COL17A1: variants seen among roughly 807,000 people sequenced by gnomAD.
The protein encoded by COL17A1 is collagen type XVII alpha 1 chain.
COL17A1 carries 181 observed loss-of-function variants against 218.4 expected under a neutral mutation model. That is an observed-to-expected ratio of 0.83 (90% CI 0.73 to 0.94). COL17A1 has a LOEUF of 0.94. COL17A1 is among the 40% of genes least tolerant of loss of function. The probability of loss-of-function intolerance (pLI) is 0.00; values close to 1 mark genes in which losing one functional copy is unlikely to be tolerated. For synonymous variants in COL17A1, 721 were observed against 731.0 expected (o/e 0.99, Z 0.22); for missense variants, 1,924 against 1,945.9 (o/e 0.99, Z 0.21).
chr10:104,049,445 C>T lies in COL17A1; in HGVS notation c.2191G>A (p.Gly731Ser), dbSNP rs754470937. Residue 731 changes from glycine to serine, a missense_variant, in exon 29 of 56, where the codon GGT becomes AGT. Gly to Ser is a moderately conservative substitution (Grantham distance 56, BLOSUM62 0). Transcript: ENST00000648076. ...TGEPGMRGLP[G>S]AVGEPGAKGA... ...TTAGCCCCGGGCTCACCAACAGCACCAGGCAAACCTCTCATGCCAGGCTCG... is the reference window on the plus strand; with the variant it reads ...TTAGCCCCGGGCTCACCAACAGCACTAGGCAAACCTCTCATGCCAGGCTCG... 1 of 1,614,090 alleles carries T rather than the reference C, an allele frequency of 6.2e-7. No homozygotes were observed. Among genetic ancestry groups the T allele is most frequent in the East Asian group, 2.2e-5 (1 of 44,898 alleles).
In COL17A1 at chr10:104,034,609, C is replaced by T. The variant is rs369232327; in HGVS notation, c.3766+12G>A. ...GGGGTGCCTGGTGGGGCATCACCGT[C>T]GGGGCACCTACTTGTGAGGTAGCTG... On this transcript the variant is annotated intron_variant, in intron 51 of 55. Coordinates refer to ENST00000648076, the MANE Select transcript of COL17A1 (RefSeq NM_000494.4). 1.3e-4 allele frequency: 202 copies of T among 1,608,130 alleles called. 4 individuals carry two copies. The South Asian group carries it at 1.8e-3, about 14-fold the overall frequency.
At position 104,040,400 on chromosome 10, in the gene COL17A1, G is replaced by A. The variant is rs2086346706; in HGVS notation, c.2712C>T (p.Leu904=). ...GGCCAGGTGGGCCTGGGGGGCCGGA[G>A]AGGAAGGTTTCTGCAGAGGAAGGAA... ...GSFLSNSETF[L]SGPPGPPGPP... Residue 904 remains leucine, a synonymous_variant, in exon 40 of 56, where the codon CTC becomes CTT. Transcript: ENST00000648076. The A allele has an allele frequency of 1.9e-6, 3 of 1,609,656 alleles. No individual in the cohort carries two copies. Among genetic ancestry groups the A allele is most frequent in the Non-Finnish European group, 2.6e-6 (3 of 1,176,124 alleles).
chr10:104,058,299 C>A, intron 15 of COL17A1, 109 bp from the exon 16 acceptor site: 1 of 1,377,588 alleles, frequency 7.3e-7, no homozygotes. Context: ...AACTTGCTTT[C>A]AACGACGTGC....
Position 104,037,733 on chromosome 10 carries a change from G to A in COL17A1, c.3111C>T (p.Pro1037=), listed in dbSNP as rs1316824178. The change falls in exon 46 of 56, where the codon CCC becomes CCT. Residue 1037 remains proline, a synonymous_variant. Coordinates refer to ENST00000648076, the MANE Select transcript of COL17A1 (RefSeq NM_000494.4). ...IRSYLSGVQG[P]PGPPGPPGPV... ...GTCCTGGGGGACCAGGTGGGCCTGG[G>A]GGACCCTGAACTCCGGATAGGTAAG... 2 of 1,614,144 alleles carry A rather than the reference G, an allele frequency of 1.2e-6. No individual in the cohort carries two copies. Among genetic ancestry groups the A allele is most frequent in the East Asian group, 2.2e-5 (1 of 44,872 alleles).
rs1302025025 is a variant in COL17A1 at position 104,039,431 on chromosome 10, G to C, written c.2896+14C>G. ...CCCTACTCCTCACCACCTTCTCACT[G>C]CTCCCTCACTGACCTTTGTCACCTT... On this transcript the variant is annotated intron_variant, in intron 43 of 55. Coordinates refer to ENST00000648076, the MANE Select transcript of COL17A1 (RefSeq NM_000494.4). 1 of 1,613,398 alleles carries C rather than the reference G, an allele frequency of 6.2e-7. No individual in the cohort carries two copies. The highest frequency in any genetic ancestry group is 1.7e-5 in the Admixed American group (1 of 60,018).
intron 47 of COL17A1, 144 bp from the exon 48 acceptor site, chr10:104,036,776 G>C: frequency 2.8e-6 from 3 of 1,058,560 alleles, no homozygotes; most frequent in Non-Finnish European, 4.2e-6. Context: ...ACGGTGTTCA[G>C]GGGGGACACC....
chr10:104,072,106 G>T, intron 7 of COL17A1, 27 bp from the exon 8 acceptor site: 4 of 1,614,044 alleles, frequency 2.5e-6, no homozygotes, highest in South Asian at 1.1e-5. Flanking sequence ...ATAGAGAAGG[G>T]TGTGAATGAA....
chr10:104,081,873 C>G (rs1213945748), intron 1 of COL17A1, among the ~76,000 whole-genome samples: 3 of 152,192 alleles, frequency 2.0e-5, no homozygotes, highest in African/African-American at 7.2e-5. Context: ...AGAATCTAAT[C>G]AGGATTATGT....
chr10:104,034,500 C>T, intron 51 of COL17A1, 121 bp downstream of exon 51: 1 of 1,512,522 alleles, frequency 6.6e-7, no homozygotes, highest in Non-Finnish European at 8.9e-7. Context: ...GGAAACCGGG[C>T]TTACCCCACC....
intron 33 of COL17A1, among the ~76,000 whole-genome samples, chr10:104,044,623 A>G (rs2086391649): frequency 6.6e-6 from 1 of 152,180 alleles, no homozygotes; most frequent in African/African-American, 2.4e-5. Flanking sequence ...TCTGCTCACC[A>G]TCCTTCAGCC....
intron 50 of COL17A1, 82 bp downstream of exon 50, chr10:104,035,181 A>T (rs753837841): frequency 8.5e-7 from 1 of 1,181,304 alleles, no homozygotes; most frequent in East Asian, 2.5e-5. Context: ...GAGCACTTAG[A>T]CTGCCCTTGC....
chr10:104,042,350 A>G, intron 36 of COL17A1, 70 bp downstream of exon 36: 11 of 1,519,902 alleles, frequency 7.2e-6, no homozygotes, highest in Non-Finnish European at 1.0e-5. Context: ...AGAGAGGCCC[A>G]TGTCCACCCT....
At chr10:104,085,637 T>G (rs1040508697) in intron 1 of COL17A1, 86 bp downstream of exon 1, 1 of 152,590 alleles carries the variant, frequency 6.6e-6, no homozygotes, top group Non-Finnish European at 1.5e-5. Flanking sequence ...TCTTCTTTTC[T>G]CCAATAAACA....
chr10:104,059,580 T>G, intron 15 of COL17A1, 58 bp downstream of exon 15: 6 of 1,498,430 alleles, frequency 4.0e-6, no homozygotes, highest in Non-Finnish European at 5.6e-6. Context: ...CCGAAGACAA[T>G]GAAATGAAAT....
rs1308557010 is a variant in COL17A1, at chr10:104,033,314, T to C, written c.4218A>G (p.Pro1406=). 1 of 1,607,050 alleles carries C rather than the reference T, an allele frequency of 6.2e-7. No individual in the cohort carries two copies. The highest frequency in any genetic ancestry group is 8.5e-7 in the Non-Finnish European group (1 of 1,176,864). The change falls in exon 53 of 56, where the codon CCA becomes CCG. Residue 1406 remains proline, a synonymous_variant. Coordinates refer to ENST00000648076, the MANE Select transcript of COL17A1 (RefSeq NM_000494.4). ...TVQGPPGQPG[P]QGPPGISKVF... The stretch of plus-strand genomic sequence containing the variant: ...CCTTGCTGATGCCGGGTGGCCCCTG[T>C]GGCCCAGGCTGGCCTGGTGGGCCCT...
chr10:104,039,666 A>C, intron 41 of COL17A1, 26 bp from the exon 42 acceptor site: 1 of 1,614,102 alleles, frequency 6.2e-7, no homozygotes, highest in Non-Finnish European at 8.5e-7. Flanking sequence ...AGGGAGGGAC[A>C]GTCAGCCTCA....
intron 1 of COL17A1, among the ~76,000 whole-genome samples, chr10:104,082,665 C>G (rs1312168010): frequency 6.6e-6 from 1 of 152,166 alleles, no homozygotes; most frequent in Non-Finnish European, 1.5e-5. Flanking sequence ...TTGGGATTGG[C>G]CGGAAGGGTT....
chr10:104,035,621 A>G, intron 48 of COL17A1, 58 bp from the exon 49 acceptor site: 2 of 1,372,786 alleles, frequency 1.5e-6, no homozygotes, highest in Non-Finnish European at 2.1e-6. Context: ...CACCTGTCAG[A>G]GAGGAGGTCG....
Position 104,063,761 on chromosome 10 carries a change from C to A in COL17A1, c.824G>T (p.Ser275Ile), listed in dbSNP as rs1454248804. ...GTGACACTGACCTGAGGAGGATGTG[C>A]TGAGTCCAGGGTGCAAAGTGGGTGA... ...SCSPTLHPGL[S>I]TSSSVFGMQN... The change falls in exon 11 of 56, where the codon AGC (serine) becomes ATC (isoleucine). Residue 275 changes from serine (S) to isoleucine (I), a missense_variant. By Grantham distance (142) the Ser-to-Ile change is moderately radical. Transcript: ENST00000648076. The A allele has an allele frequency of 6.2e-7, 1 of 1,614,172 alleles. No individual in the cohort carries two copies. Among genetic ancestry groups the A allele is most frequent in the Non-Finnish European group, 8.5e-7 (1 of 1,180,022 alleles).
Sources: allele counts gnomAD v4.1 joint callset (sites outside exome capture counted in the v4.1 genomes callset), GRCh38; gene constraint gnomAD v4.1.1; transcripts MANE v1.5; gene names NCBI Gene and HGNC (gene_info 2026-07-23, HGNC 2026-07-21).